The following CDH13 variants were observed in gnomAD, a reference collection of about 807,000 sequenced individuals.
The protein encoded by CDH13 is cadherin-13.
Under a neutral mutation model 63.8 loss-of-function variants are expected in CDH13, and 24 were observed. The ratio of observed to expected loss-of-function variants is 0.38; its 90% CI spans 0.27 to 0.53. CDH13 has a LOEUF of 0.53. CDH13 is among the 20% of genes least tolerant of loss of function. The pLI, the probability that CDH13 is intolerant of heterozygous loss-of-function variation, is 0.85. For missense variants in CDH13, 1,049 were observed against 903.1 expected (o/e 1.16, Z -2.07); for synonymous variants, 503 against 355.3 (o/e 1.42, Z -4.67).
At chr16:82,837,443 G>C (rs2038816109) in intron 1 of CDH13, among the ~76,000 whole-genome samples, 1 of 11,404 alleles carries the variant, frequency 8.8e-5, no homozygotes, top group Non-Finnish European at 3.2e-3. Context: ...CAAGTCCTAG[G>C]AAGTCCTAGA....
intron 6 of CDH13, among the ~76,000 whole-genome samples, chr16:83,436,732 C>A (rs1044275811): frequency 1.3e-5 from 2 of 152,192 alleles, no homozygotes; most frequent in African/African-American, 4.8e-5. Flanking sequence ...AAGTTGGAAA[C>A]CTTTGGCCAA....
intron 3 of CDH13, among the ~76,000 whole-genome samples, chr16:83,053,175 G>C (rs1046882923): frequency 5.9e-5 from 9 of 152,162 alleles, no homozygotes; most frequent in African/African-American, 1.9e-4. Flanking sequence ...CTAATAAAGT[G>C]AGAATGACCA....
chr16:83,624,253 T>C (rs1384361929), intron 8 of CDH13, among the ~76,000 whole-genome samples: 1 of 152,034 alleles, frequency 6.6e-6, no homozygotes, highest in African/African-American at 2.4e-5. Context: ...ATCCAAATGC[T>C]ACTCTCATAG....
chr16:82,964,607 TAAAA>T (rs1310566679), intron 2 of CDH13, among the ~76,000 whole-genome samples: 1 of 152,126 alleles, frequency 6.6e-6, no homozygotes, highest in Non-Finnish European at 1.5e-5. Flanking sequence ...TTATTTGAAA[TAAAA>T]GAAAGAAACC....
intron 10 of CDH13, among the ~76,000 whole-genome samples, chr16:83,741,833 A>C (rs1340741786): frequency 6.6e-6 from 1 of 152,142 alleles, no homozygotes; most frequent in Non-Finnish European, 1.5e-5. Flanking sequence ...CCTGGGCCAC[A>C]ACATCAGATT....
chr16:82,639,253 G>A, intron 1 of CDH13: 1 of 636,810 alleles, frequency 1.6e-6, no homozygotes. Context: ...TCTCAAAGTG[G>A]GTCTGGGCCC....
chr16:83,127,159 C>T (rs1196658840), intron 4 of CDH13, among the ~76,000 whole-genome samples: 1 of 152,184 alleles, frequency 6.6e-6, no homozygotes, highest in Non-Finnish European at 1.5e-5. Flanking sequence ...AGAGTCGCAA[C>T]ATGCCTGGGT....
intron 7 of CDH13, among the ~76,000 whole-genome samples, chr16:83,518,145 C>CTTTTG (rs113830722): frequency 0.58 from 87,358 of 150,904 alleles, 26,160 homozygotes; most frequent in African/African-American, 0.75. Context: ...ATGTGATGGT[C>CTTTTG]TTTTGTTTTG....
At chr16:82,798,541 C>A (rs1049323973) in intron 1 of CDH13, among the ~76,000 whole-genome samples, 1 of 152,122 alleles carries the variant, frequency 6.6e-6, no homozygotes, top group Non-Finnish European at 1.5e-5. Context: ...GTAGGGTGAG[C>A]CGTAAATACA....
At chr16:82,871,556 T>C (rs552546474) in intron 2 of CDH13, among the ~76,000 whole-genome samples, 1 of 152,336 alleles carries the variant, frequency 6.6e-6, no homozygotes, top group Non-Finnish European at 1.5e-5. Context: ...CAGCTCTAAC[T>C]TTGACTTGCA....
chr16:83,334,386 C>CACAG (rs1228344068), intron 5 of CDH13, among the ~76,000 whole-genome samples: 3 of 138,900 alleles, frequency 2.2e-5, no homozygotes, highest in Middle Eastern at 3.7e-3. Flanking sequence ...CACACACACA[C>CACAG]ACACACACAG....
At chr16:83,160,118 C>T (rs576324088) in intron 4 of CDH13, among the ~76,000 whole-genome samples, 3 of 152,130 alleles carry the variant, frequency 2.0e-5, no homozygotes, top group East Asian at 1.9e-4. Context: ...AATGCACCCT[C>T]GCACATGCTG....
At chr16:82,905,745 T>G (rs1242690324) in intron 2 of CDH13, among the ~76,000 whole-genome samples, 1 of 152,192 alleles carries the variant, frequency 6.6e-6, no homozygotes, top group Admixed American at 6.5e-5. Flanking sequence ...ATATGATAAA[T>G]TATTCACATA....
rs555152980 is a variant in CDH13, at chr16:83,569,274, C to G, written c.961-33180C>G. Among the ~76,000 whole-genome samples the G allele has an allele frequency of 3.2e-4, 48 of 152,262 alleles. No individual in the cohort carries two copies. In the East Asian group the frequency reaches 9.0e-3, roughly 28 times the overall value. On this transcript the variant is annotated intron_variant, in intron 7 of 13. Coordinates refer to ENST00000567109, the MANE Select transcript of CDH13 (RefSeq NM_001257.5). ...CCACCAAACCTCCCCTCCCTCTCCC[C>G]ATTGGAACCAGCTCCACACTGCACT...
At chr16:83,761,057 A>G (rs982710529) in intron 11 of CDH13, among the ~76,000 whole-genome samples, 8 of 152,264 alleles carry the variant, frequency 5.3e-5, no homozygotes, top group African/African-American at 1.4e-4. Flanking sequence ...ACAGCTCAAC[A>G]TACTCAGTTT....
At chr16:83,772,758 C>T (rs780220346) in intron 11 of CDH13, 1 of 152,326 alleles carries the variant, frequency 6.6e-6, no homozygotes, top group Non-Finnish European at 1.5e-5. Flanking sequence ...TACACCACCC[C>T]TCACCTCACT....
At chr16:83,290,971 C>T (rs1041309809) in intron 5 of CDH13, among the ~76,000 whole-genome samples, 6 of 152,160 alleles carry the variant, frequency 3.9e-5, no homozygotes, top group African/African-American at 4.8e-5. Flanking sequence ...CCTTCCACTT[C>T]GCCTTTGCTA....
At chr16:83,363,556 T>G (rs1335393648) in intron 6 of CDH13, among the ~76,000 whole-genome samples, 1 of 152,202 alleles carries the variant, frequency 6.6e-6, no homozygotes, top group Non-Finnish European at 1.5e-5. Flanking sequence ...GTGAGAGGCA[T>G]CACTGAAATG....
chr16:82,935,730 G>A (rs576660654), intron 2 of CDH13, among the ~76,000 whole-genome samples: 1 of 152,234 alleles, frequency 6.6e-6, no homozygotes, highest in South Asian at 2.1e-4. Flanking sequence ...AGTGTCATTA[G>A]AGTCTCATAG....
Sources: allele counts gnomAD v4.1 joint callset (sites outside exome capture counted in the v4.1 genomes callset), GRCh38; gene constraint gnomAD v4.1.1; transcripts MANE v1.5; gene names NCBI Gene and HGNC (gene_info 2026-07-23, HGNC 2026-07-21).